The following NUP160 variants were observed in gnomAD, a reference collection of about 807,000 sequenced individuals.
The protein encoded by NUP160 is nuclear pore complex protein Nup160.
NUP160 carries 94 observed loss-of-function variants against 196.9 expected under a neutral mutation model. The observed-to-expected ratio is 0.48, with a 90% CI of 0.40 to 0.57. The LOEUF (loss-of-function observed/expected upper bound fraction) is 0.57. NUP160 is among the 20% of genes least tolerant of loss of function. The pLI is 0.00. For synonymous variants in NUP160, 605 were observed against 619.7 expected (o/e 0.98, Z 0.35); for missense variants, 1,638 against 1,748.3 (o/e 0.94, Z 1.13).
intron 23 of NUP160, among the ~76,000 whole-genome samples, chr11:47,800,779 A>C (rs1389767332): frequency 1.3e-5 from 2 of 152,176 alleles, no homozygotes; most frequent in African/African-American, 4.8e-5. Flanking sequence ...CTTCTGTGGC[A>C]TTTACTTTCT....
chr11:47,789,069 G>A (rs2097666443), intron 29 of NUP160, among the ~76,000 whole-genome samples: 1 of 151,988 alleles, frequency 6.6e-6, no homozygotes, highest in Admixed American at 6.6e-5. Context: ...TAGACACGGG[G>A]TTTTACCATG....
chr11:47,845,480 C>A (rs987406842), intron 2 of NUP160, among the ~76,000 whole-genome samples: 1 of 152,142 alleles, frequency 6.6e-6, no homozygotes, highest in African/African-American at 2.4e-5. Flanking sequence ...CTATGCACTG[C>A]GGACTTGCCC....
chr11:47,794,088 C>A (rs1482902781), intron 27 of NUP160, among the ~76,000 whole-genome samples: 2 of 151,982 alleles, frequency 1.3e-5, no homozygotes, highest in African/African-American at 2.4e-5. Context: ...TTGGGAGGAA[C>A]AAGTAGTTGT....
At position 47,800,883 on chromosome 11, in the gene NUP160, A is replaced by C. The variant is rs138740190; in HGVS notation, c.2895+928T>G. Among the ~76,000 whole-genome samples the C allele has an allele frequency of 4.8e-3, 736 of 152,338 alleles. 5 individuals are homozygous for C. Among genetic ancestry groups the C allele is most frequent in the African/African-American group, 0.017 (693 of 41,582 alleles). ...GAAGTGTGCACAACAGGATGAATAA[A>C]AAAGCTTTTCTGCACAGGCCAGGCA... is the stretch of plus-strand genomic sequence containing the variant. On this transcript the variant is annotated intron_variant, in intron 23 of 35. Coordinates refer to ENST00000378460, the Ensembl canonical transcript of NUP160.
exon 25 of NUP160, chr11:47,798,207 T>C (rs1476346194): frequency 6.2e-6 from 10 of 1,612,830 alleles, no homozygotes; most frequent in Non-Finnish European, 8.5e-6. Flanking sequence ...TTCATATGCT[T>C]GGCTATTGTG....
intron 23 of NUP160, among the ~76,000 whole-genome samples, chr11:47,800,275 T>C (rs1391915357): frequency 1.3e-5 from 2 of 151,294 alleles, no homozygotes; most frequent in Non-Finnish European, 2.9e-5. Flanking sequence ...GTATAGTATA[T>C]ACGATTATAT....
At chr11:47,832,365 T>C (rs898545120) in intron 7 of NUP160, among the ~76,000 whole-genome samples, 1 of 152,192 alleles carries the variant, frequency 6.6e-6, no homozygotes, top group Admixed American at 6.5e-5. Context: ...GTTAGGAAGA[T>C]GAGAGGGGCC....
At chr11:47,828,387 A>G (rs1852013151) in intron 7 of NUP160, among the ~76,000 whole-genome samples, 1 of 152,248 alleles carries the variant, frequency 6.6e-6, no homozygotes, top group Non-Finnish European at 1.5e-5. Flanking sequence ...CATTTACAAT[A>G]GCATCAAAAA....
At chr11:47,830,503 T>C (rs1256518571) in intron 7 of NUP160, among the ~76,000 whole-genome samples, 2 of 152,170 alleles carry the variant, frequency 1.3e-5, no homozygotes, top group East Asian at 1.9e-4. Context: ...ATGGTACATA[T>C]ATATCATGGA....
Position 47,788,606 on chromosome 11 carries a change from G to C in NUP160, c.3517C>G (p.Arg1173Gly), listed in dbSNP as rs778756977. Residue 1173 changes from arginine (R) to glycine (G), a missense_variant, in exon 30 of 36, where the codon CGA (arginine) becomes GGA (glycine). Physicochemically the swap from Arg to Gly is moderately radical, Grantham distance 125 (BLOSUM62 -2). Coordinates refer to ENST00000378460, the Ensembl canonical transcript of NUP160. ...TCCAGTTCCAGGATTTCAATTTGTCGATTTGCTATACATCAAAGAAAAATA... is the reference window on the plus strand; with the variant it reads ...TCCAGTTCCAGGATTTCAATTTGTCCATTTGCTATACATCAAAGAAAAATA... 356 of 1,609,044 alleles carry C rather than the reference G, an allele frequency of 2.2e-4. No individual in the cohort carries two copies. The highest frequency in any genetic ancestry group is 2.9e-4 in the Non-Finnish European group (342 of 1,175,676).
intron 9 of NUP160, 31 bp downstream of exon 9, chr11:47,821,687 GGGGTGA>G (rs1565202252): frequency 1.4e-6 from 2 of 1,471,538 alleles, no homozygotes; most frequent in Admixed American, 3.4e-5. Context: ...GAAATTGCTT[GGGGTGA>G]GGTAGGATGA....
chr11:47,824,288 G>T (rs1398735639), intron 7 of NUP160, among the ~76,000 whole-genome samples: 1 of 151,362 alleles, frequency 6.6e-6, no homozygotes, highest in Non-Finnish European at 1.5e-5. Context: ...TAGATGTGAG[G>T]TGATTATCTC....
chr11:47,815,530 A>G, exon 13 of NUP160: 1 of 1,610,982 alleles, frequency 6.2e-7, no homozygotes, highest in Non-Finnish European at 8.5e-7. Context: ...GTAGGGCAAG[A>G]GGGTGAGAGA....
chr11:47,846,753 C>T (rs1852408560), intron 2 of NUP160, among the ~76,000 whole-genome samples: 1 of 152,130 alleles, frequency 6.6e-6, no homozygotes, highest in African/African-American at 2.4e-5. Flanking sequence ...TCTAAAAATA[C>T]ATTTAAAAAA....
chr11:47,809,568 G>A (rs992975092), intron 17 of NUP160, among the ~76,000 whole-genome samples: 1 of 151,976 alleles, frequency 6.6e-6, no homozygotes, highest in Admixed American at 6.6e-5. Flanking sequence ...GGCCAATATG[G>A]CGAAACCCCA....
intron 2 of NUP160, among the ~76,000 whole-genome samples, chr11:47,840,978 T>G (rs1023013432): frequency 6.6e-6 from 1 of 152,060 alleles, no homozygotes; most frequent in South Asian, 2.1e-4. Context: ...CCTGTTTCTA[T>G]TACTTCTTAA....
intron 34 of NUP160, among the ~76,000 whole-genome samples, chr11:47,782,343 T>C (rs1433151011): frequency 9.5e-6 from 1 of 105,390 alleles, no homozygotes; most frequent in Admixed American, 1.1e-4. Context: ...TATATATATA[T>C]ATATATATAT....
At chr11:47,822,260 A>T in intron 7 of NUP160, 96 bp from the exon 8 acceptor site, 1 of 872,836 alleles carries the variant, frequency 1.1e-6, no homozygotes, top group Non-Finnish European at 1.8e-6. Context: ...TTTAAAAAAA[A>T]ATTTTTTTTT....
In NUP160 at chr11:47,823,739, G is replaced by A. The variant is rs2135386630; in HGVS notation, c.1102-1575C>T. 1.3e-5 allele frequency among the ~76,000 whole-genome samples: 2 copies of A among 151,952 alleles called. 1 individual carries two copies. The highest frequency in any genetic ancestry group is 4.2e-4 in the South Asian group (2 of 4,810). On this transcript the variant is annotated intron_variant, in intron 7 of 35. Coordinates refer to ENST00000378460, the Ensembl canonical transcript of NUP160. The stretch of plus-strand genomic sequence containing the variant: ...TTTAGTAGAGTCGGGGTTTCACCGT[G>A]TTATCCAGGATGGTCTTGATCTCCT...
Sources: gnomAD v4.1 joint callset for allele counts (sites outside exome capture counted in the v4.1 genomes callset) on GRCh38, gnomAD v4.1.1 for gene constraint, MANE v1.5 for transcripts, NCBI Gene and HGNC (gene_info 2026-07-23, HGNC 2026-07-21) for gene names.